Variants in RGS6 observed in about 807,000 individuals in gnomAD.
The protein encoded by RGS6 is regulator of G protein signaling 6.
In RGS6, 30 loss-of-function variants were observed where a neutral mutation model predicts 78.5. The ratio of observed to expected loss-of-function variants is 0.38; its 90% CI spans 0.29 to 0.52. RGS6 has a LOEUF of 0.52. RGS6 is among the 20% of genes least tolerant of loss of function. The pLI is 0.85. For missense variants in RGS6, 495 were observed against 609.7 expected (o/e 0.81, Z 1.98); for synonymous variants, 206 against 206.0 (o/e 1.00, Z 0.00).
At chr14:72,087,359 T>G (rs971871492) in intron 2 of RGS6, among the ~76,000 whole-genome samples, 3 of 152,064 alleles carry the variant, frequency 2.0e-5, no homozygotes, top group Non-Finnish European at 4.4e-5. Flanking sequence ...TTGAACTCCT[T>G]ACCTCAAGTG....
chr14:72,566,397 G>A lies in RGS6; in HGVS notation c.*3930G>A, dbSNP rs1599252115. ...TAAGCCCACTCACCGCATGATCACG[G>A]ACTCATCGGAATGGCCTCCTCTTAG... is the stretch of plus-strand genomic sequence containing the variant. On this transcript the variant is annotated 3_prime_UTR_variant, in exon 18 of 18. Coordinates refer to ENST00000553525, the MANE Select transcript of RGS6 (RefSeq NM_001204424.2). 6.6e-6 allele frequency: 1 copy of A among 152,164 alleles called. No individual in the cohort carries two copies. The highest frequency in any genetic ancestry group is 1.5e-5 in the Non-Finnish European group (1 of 68,064). 9.4% of individuals were successfully genotyped at this position (152,164 alleles called of 1,614,324 possible).
intron 2 of RGS6, among the ~76,000 whole-genome samples, chr14:72,165,068 G>A: frequency 6.6e-6 from 1 of 152,194 alleles, no homozygotes; most frequent in Non-Finnish European, 1.5e-5. Flanking sequence ...TTCATTGGTA[G>A]CTCAGCTGAT....
Position 72,480,535 on chromosome 14 carries a change from G to C in RGS6, c.854+2206G>C, listed in dbSNP as rs562629010. Reference sequence around the variant, plus strand: ...CAGAGGCTGGATTTTATTCCCAGCAGCAATAACTGGCAACTTTTCAATGCG... The same window carrying C: ...CAGAGGCTGGATTTTATTCCCAGCACCAATAACTGGCAACTTTTCAATGCG... On this transcript the variant is annotated intron_variant, in intron 12 of 17. Coordinates refer to ENST00000553525, the MANE Select transcript of RGS6 (RefSeq NM_001204424.2). 2.3e-3 allele frequency among the ~76,000 whole-genome samples: 344 copies of C among 152,298 alleles called. 2 individuals carry two copies. The highest frequency in any genetic ancestry group is 7.8e-3 in the African/African-American group (323 of 41,542).
chr14:72,266,371 CCT>C (rs1351948226), intron 2 of RGS6, among the ~76,000 whole-genome samples: 2 of 152,132 alleles, frequency 1.3e-5, no homozygotes, highest in East Asian at 3.9e-4. Flanking sequence ...GCCTCCTAAG[CCT>C]GGGCCCAGGA....
In RGS6 at chr14:72,536,278, A is replaced by G; in HGVS notation, c.1368+3A>G. ...ATTTGCTGCTGGCCAAGAAGAAGGT[A>G]TCTTTGGGAAGGGCAGGCTTGCTCT... On this transcript the variant is annotated splice_donor_region_variant and intron_variant, in intron 16 of 17. Coordinates refer to ENST00000553525, the MANE Select transcript of RGS6 (RefSeq NM_001204424.2). The G allele has an allele frequency of 6.2e-7, 1 of 1,612,428 alleles. No homozygotes were observed. The highest frequency in any genetic ancestry group is 8.5e-7 in the Non-Finnish European group (1 of 1,178,662).
intron 2 of RGS6, among the ~76,000 whole-genome samples, chr14:72,164,323 G>A (rs1322415763): frequency 6.6e-6 from 1 of 152,204 alleles, no homozygotes; most frequent in South Asian, 2.1e-4. Context: ...TGATTTGCAG[G>A]TTGCTTGTTT....
chr14:72,336,858 G>T (rs2076116297), intron 2 of RGS6, among the ~76,000 whole-genome samples: 1 of 152,024 alleles, frequency 6.6e-6, no homozygotes, highest in Non-Finnish European at 1.5e-5. Flanking sequence ...AGATGACTTT[G>T]CCCCCTGTGT....
At chr14:71,874,960 T>C in the RGS6 span, among the ~76,000 whole-genome samples, 1 of 152,242 alleles carries the variant, frequency 6.6e-6, no homozygotes, top group African/African-American at 2.4e-5. Flanking sequence ...GATTTGCGTA[T>C]GTTGAACCAG....
chr14:72,567,979 C>T (rs1444156118), downstream of RGS6, among the ~76,000 whole-genome samples: 2 of 152,206 alleles, frequency 1.3e-5, no homozygotes, highest in Admixed American at 6.5e-5. Context: ...AGCAGGGCCC[C>T]CTGGCCAAAA....
At chr14:72,052,968 T>C (rs1208029187) in intron 2 of RGS6, among the ~76,000 whole-genome samples, 1 of 45,088 alleles carries the variant, frequency 2.2e-5, no homozygotes, top group African/African-American at 1.7e-4. Context: ...TTTCTTTCTT[T>C]CTTTCTTTCT....
At position 72,530,019 on chromosome 14, in the gene RGS6, G is replaced by T. The variant is rs547507864; in HGVS notation, c.1279-6167G>T. Among the ~76,000 whole-genome samples the T allele has an allele frequency of 1.3e-3, 192 of 152,328 alleles. 1 individual carries two copies. The highest frequency in any genetic ancestry group is 4.3e-3 in the African/African-American group (179 of 41,572). ...ATTTTGATTCAGTGTTTAGACATCT[G>T]CTTTATCCTGCTCTATTTTGATTGA... On this transcript the variant is annotated intron_variant, in intron 15 of 17. Transcript: ENST00000553525.
the RGS6 span, among the ~76,000 whole-genome samples, chr14:72,606,575 C>T: frequency 6.6e-6 from 1 of 152,188 alleles, no homozygotes; most frequent in Non-Finnish European, 1.5e-5. Context: ...AAGCCTTTTC[C>T]TCTCCCCAGG....
intron 2 of RGS6, among the ~76,000 whole-genome samples, chr14:72,102,624 A>C (rs1486041742): frequency 6.6e-6 from 1 of 152,200 alleles, no homozygotes; most frequent in Non-Finnish European, 1.5e-5. Flanking sequence ...TTAATTTAGC[A>C]TGCCTAACTG....
chr14:72,121,829 G>A (rs2096060092), intron 2 of RGS6, among the ~76,000 whole-genome samples: 1 of 152,226 alleles, frequency 6.6e-6, no homozygotes, highest in Non-Finnish European at 1.5e-5. Flanking sequence ...CACCATCTTT[G>A]TGTTCCCAGT....
intron 17 of RGS6, chr14:72,550,537 C>A: frequency 6.5e-7 from 1 of 1,535,686 alleles, no homozygotes; most frequent in Non-Finnish European, 8.7e-7. Flanking sequence ...GATGGAGCAT[C>A]CAAGACAACA....
At chr14:72,357,914 C>T (rs181650960) in intron 3 of RGS6, among the ~76,000 whole-genome samples, 3 of 152,220 alleles carry the variant, frequency 2.0e-5, no homozygotes, top group East Asian at 3.9e-4. Context: ...GGCCCAGAGA[C>T]CTAAGAGGAA....
intron 14 of RGS6, chr14:72,513,868 C>T (rs1396111662): frequency 2.0e-5 from 3 of 151,504 alleles, no homozygotes; most frequent in East Asian, 2.0e-4. Flanking sequence ...GTTCTTCTAA[C>T]CTGCAGATTG....
intron 2 of RGS6, among the ~76,000 whole-genome samples, chr14:71,966,234 T>C (rs1194530953): frequency 6.6e-6 from 1 of 152,196 alleles, no homozygotes; most frequent in Non-Finnish European, 1.5e-5. Context: ...ATATGGGCAA[T>C]GTGGAACTAG....
intron 2 of RGS6, among the ~76,000 whole-genome samples, chr14:72,151,909 C>T (rs1224606884): frequency 6.6e-6 from 1 of 152,162 alleles, no homozygotes; most frequent in African/African-American, 2.4e-5. Flanking sequence ...CCTACTCATT[C>T]TTGGAGTCAG....
Sources: gnomAD v4.1 joint callset for allele counts (sites outside exome capture counted in the v4.1 genomes callset) on GRCh38, gnomAD v4.1.1 for gene constraint, MANE v1.5 for transcripts, NCBI Gene and HGNC (gene_info 2026-07-23, HGNC 2026-07-21) for gene names.